RUFY3: variants seen among roughly 807,000 people sequenced by gnomAD.
The protein encoded by RUFY3 is protein RUFY3.
In RUFY3, 34 loss-of-function variants were observed where a neutral mutation model predicts 84.0. The observed-to-expected ratio is 0.40, with a 90% confidence interval of 0.31 to 0.54. The LOEUF (loss-of-function observed/expected upper bound fraction) is 0.54. RUFY3 is among the 20% of genes least tolerant of loss of function. The pLI is 0.39. For missense variants in RUFY3, 507 were observed against 736.8 expected (o/e 0.69, Z 3.61); for synonymous variants, 242 against 252.9 (o/e 0.96, Z 0.41).
chr4:70,753,044 AT>A (rs199944732), intron 1 of RUFY3, among the ~76,000 whole-genome samples: 7 of 151,848 alleles, frequency 4.6e-5, no homozygotes, highest in African/African-American at 1.7e-4. Flanking sequence ...TCTGTATGCT[AT>A]TTTTTTATTA....
Position 70,736,093 on chromosome 4 carries a change from G to A in RUFY3, c.178+13342G>A, listed in dbSNP as rs1023786114. Reference sequence around the variant, plus strand: ...TACTTGAGCTCAGCAGGTCAAGGCTGCTGTGAGCTGTGATTGCGCCACAGT... The same window carrying A: ...TACTTGAGCTCAGCAGGTCAAGGCTACTGTGAGCTGTGATTGCGCCACAGT... On this transcript the variant is annotated intron_variant, in intron 1 of 17. Coordinates refer to ENST00000381006, the MANE Select transcript of RUFY3 (RefSeq NM_001037442.4). 5.3e-5 allele frequency among the ~76,000 whole-genome samples: 8 copies of A among 151,218 alleles called. 1 individual carries two copies. The highest frequency in any genetic ancestry group is 4.6e-4 in the Admixed American group (7 of 15,152).
chr4:70,769,253 G>A (rs1726531671), intron 5 of RUFY3, among the ~76,000 whole-genome samples: 2 of 152,110 alleles, frequency 1.3e-5, no homozygotes, highest in Admixed American at 1.3e-4. Context: ...TTAAGCTTGG[G>A]AAGTCGAGGC....
At chr4:70,764,447 C>T in intron 3 of RUFY3, 28 bp from the exon 4 acceptor site, 1 of 1,461,688 alleles carries the variant, frequency 6.8e-7, no homozygotes, top group Non-Finnish European at 9.6e-7. Flanking sequence ...CTTATGTTTT[C>T]AGTTGTTTGA....
intron 5 of RUFY3, 120 bp downstream of exon 5, chr4:70,768,781 C>A: frequency 1.1e-6 from 1 of 934,012 alleles, no homozygotes; most frequent in Non-Finnish European, 1.6e-6. Flanking sequence ...AACAGGATTT[C>A]CTTCCATTTT....
At chr4:70,741,100 CTCCTT>C (rs1721244949) in intron 1 of RUFY3, among the ~76,000 whole-genome samples, 1 of 150,932 alleles carries the variant, frequency 6.6e-6, no homozygotes. Context: ...TCAAAGTAGC[CTCCTT>C]TATTTTTGTT....
intron 8 of RUFY3, among the ~76,000 whole-genome samples, chr4:70,780,558 G>A (rs1042279964): frequency 2.0e-5 from 3 of 152,202 alleles, no homozygotes; most frequent in African/African-American, 4.8e-5. Flanking sequence ...CTCCCAAAGT[G>A]CTGGGATTAC....
At chr4:70,733,095 GGAGAGAGA>G (rs1203024723) in intron 1 of RUFY3, among the ~76,000 whole-genome samples, 619 of 61,596 alleles carry the variant, frequency 0.01, 11 homozygotes, top group South Asian at 0.05. Flanking sequence ...GAGAGAGAGA[GGAGAGAGA>G]GAGAGAGAGA....
At chr4:70,762,436 TGGA>T in intron 1 of RUFY3, 80 bp from the exon 2 acceptor site, 5 of 1,260,000 alleles carry the variant, frequency 4.0e-6, no homozygotes, top group Non-Finnish European at 5.6e-6. Context: ...GAGTACATGG[TGGA>T]GAAGAATACA....
chr4:70,750,449 T>G (rs980984226), intron 1 of RUFY3, among the ~76,000 whole-genome samples: 3 of 152,206 alleles, frequency 2.0e-5, no homozygotes, highest in Admixed American at 1.3e-4. Flanking sequence ...TATAGTTGGT[T>G]TATTTGAATC....
At chr4:70,770,537 T>C (rs1311649122) in intron 5 of RUFY3, among the ~76,000 whole-genome samples, 1 of 152,260 alleles carries the variant, frequency 6.6e-6, no homozygotes, top group Non-Finnish European at 1.5e-5. Context: ...GCTTTTCCTC[T>C]GCAGCTTTTT....
intron 1 of RUFY3, among the ~76,000 whole-genome samples, chr4:70,739,990 C>CAA (rs551882326): frequency 9.4e-4 from 45 of 47,674 alleles, no homozygotes; most frequent in African/African-American, 2.4e-3. Flanking sequence ...AACTCCGTCT[C>CAA]AAAAAAAAAA....
intron 10 of RUFY3, among the ~76,000 whole-genome samples, chr4:70,787,097 G>A (rs1261136115): frequency 7.0e-6 from 1 of 142,080 alleles, no homozygotes; most frequent in Admixed American, 7.3e-5. Context: ...TGAGCCCAAG[G>A]AGGTTAAGGC....
rs1722098557 is a variant in RUFY3 at position 70,745,777 on chromosome 4, TA to T, written c.179-16741del. On this transcript the variant is annotated intron_variant, in intron 1 of 17. Coordinates refer to ENST00000381006, the MANE Select transcript of RUFY3 (RefSeq NM_001037442.4). Reference sequence around the variant, plus strand: ...GTGCCACATCGTCATTCAATAAGCTTATTAAGTTAAACAAAATTGTTATAAT... The same window carrying T: ...GTGCCACATCGTCATTCAATAAGCTTTTAAGTTAAACAAAATTGTTATAAT... Among the ~76,000 whole-genome samples the T allele has an allele frequency of 2.6e-5, 4 of 152,278 alleles. No homozygotes were observed. The South Asian group carries it at 8.3e-4, about 32-fold the overall frequency.
intron 5 of RUFY3, among the ~76,000 whole-genome samples, chr4:70,768,873 T>G (rs1028591048): frequency 2.0e-5 from 3 of 152,342 alleles, no homozygotes; most frequent in Non-Finnish European, 4.4e-5. Context: ...ATTCTTGTCT[T>G]GGCTGTACTC....
At chr4:70,704,842 G>A in exon 1 of RUFY3, 1 of 790,666 alleles carries the variant, frequency 1.3e-6, no homozygotes, top group African/African-American at 1.8e-5. Flanking sequence ...GCGGCGCAGC[G>A]GACGGGACGG....
intron 6 of RUFY3, 42 bp downstream of exon 6, chr4:70,773,614 C>T (rs768803085): frequency 1.4e-6 from 2 of 1,406,512 alleles, no homozygotes; most frequent in Non-Finnish European, 2.0e-6. Context: ...CCTGATGTAG[C>T]ATTTTTTTTC....
chr4:70,729,910 A>G (rs953473584), intron 1 of RUFY3, among the ~76,000 whole-genome samples: 1 of 150,300 alleles, frequency 6.7e-6, no homozygotes, highest in African/African-American at 2.4e-5. Flanking sequence ...TCAGTTATCC[A>G]GGAATATGCA....
chr4:70,751,982 T>C (rs995308096), intron 1 of RUFY3, among the ~76,000 whole-genome samples: 4 of 152,198 alleles, frequency 2.6e-5, no homozygotes, highest in Non-Finnish European at 5.9e-5. Flanking sequence ...GGTTTCACCA[T>C]GTTGGCCAGG....
At chr4:70,749,451 G>A (rs371294343) in intron 1 of RUFY3, among the ~76,000 whole-genome samples, 1 of 151,048 alleles carries the variant, frequency 6.6e-6, no homozygotes, top group East Asian at 1.9e-4. Context: ...CCAAGAATGA[G>A]TAAGAGTATA....
Sources: gnomAD v4.1 joint callset for allele counts (sites outside exome capture counted in the v4.1 genomes callset) on GRCh38, gnomAD v4.1.1 for gene constraint, MANE v1.5 for transcripts, NCBI Gene and HGNC (gene_info 2026-07-23, HGNC 2026-07-21) for gene names.